Variants in THSD7B observed in about 807,000 individuals in gnomAD.
The protein encoded by THSD7B is thrombospondin type-1 domain-containing protein 7B.
Under a neutral mutation model 213.6 loss-of-function variants are expected in THSD7B, and 138 were observed. The observed-to-expected ratio is 0.65, with a 90% CI of 0.56 to 0.74. The LOEUF is 0.74. Ranked by LOEUF, THSD7B falls within the 30% of genes least tolerant of loss-of-function variation. The probability of loss-of-function intolerance (pLI) is 0.00; values close to 1 mark genes in which losing one functional copy is unlikely to be tolerated. For missense variants in THSD7B, 1,931 were observed against 1,991.5 expected, an observed-to-expected ratio of 0.97 and a Z score of 0.58; for synonymous variants, 742 against 687.0, an observed-to-expected ratio of 1.08 and a Z score of -1.25.
At chr2:136,843,287 T>C (rs548448762) in intron 1 of THSD7B, among the ~76,000 whole-genome samples, 2 of 152,298 alleles carry the variant, frequency 1.3e-5, no homozygotes, top group South Asian at 4.1e-4. Context: ...TTAAGTCTGT[T>C]CAAACATTAC....
In THSD7B at chr2:137,170,880, T is replaced by C. The variant is rs752504703; in HGVS notation, c.1665T>C (p.Asp555=). The C allele has an allele frequency of 6.2e-7, 1 of 1,613,550 alleles. No individual in the cohort carries two copies. Among genetic ancestry groups the C allele is most frequent in the Non-Finnish European group, 8.5e-7 (1 of 1,179,786 alleles). ...WLASEGICFP[D]HGKCGLGHRI... is the part of the protein sequence containing the mutation. ...CATCAGAAGGGATCTGTTTCCCTGA[T>C]CATGGAAAATGTGGCCTGGGACATC... The change falls in exon 7 of 28, where the codon GAT becomes GAC. Residue 555 remains aspartate, a synonymous_variant. Coordinates refer to ENST00000409968, the MANE Select transcript of THSD7B (RefSeq NM_001316349.2).
intron 1 of THSD7B, among the ~76,000 whole-genome samples, chr2:136,790,912 T>C (rs538732685): frequency 7.2e-5 from 11 of 151,958 alleles, no homozygotes; most frequent in African/African-American, 2.7e-4. Flanking sequence ...ATTCACTCAA[T>C]AGAGGGAAAG....
intron 2 of THSD7B, among the ~76,000 whole-genome samples, chr2:137,015,451 C>T (rs1448578026): frequency 2.0e-5 from 3 of 152,080 alleles, no homozygotes; most frequent in African/African-American, 2.4e-5. Context: ...TGCACTAGTA[C>T]CCCCATTGTC....
At chr2:137,413,318 G>A (rs891453365) in intron 14 of THSD7B, among the ~76,000 whole-genome samples, 1 of 152,124 alleles carries the variant, frequency 6.6e-6, no homozygotes, top group African/African-American at 2.4e-5. Flanking sequence ...TGAACAAAAC[G>A]TTTTTATTGA....
chr2:137,014,229 C>T (rs1443768982), intron 2 of THSD7B, among the ~76,000 whole-genome samples: 2 of 152,254 alleles, frequency 1.3e-5, no homozygotes, highest in South Asian at 2.1e-4. Flanking sequence ...GAAGTTAGGA[C>T]GTGGTCGAGG....
chr2:137,478,065 G>A (rs953895674), intron 15 of THSD7B, among the ~76,000 whole-genome samples: 1 of 151,966 alleles, frequency 6.6e-6, no homozygotes, highest in Non-Finnish European at 1.5e-5. Flanking sequence ...AATGAGCCAT[G>A]GTGAAGATCT....
At chr2:137,128,747 C>T (rs997284744) in intron 5 of THSD7B, among the ~76,000 whole-genome samples, 1 of 152,158 alleles carries the variant, frequency 6.6e-6, no homozygotes, top group African/African-American at 2.4e-5. Context: ...AAACATGTAC[C>T]TTCTCTACTA....
chr2:137,419,651 A>C (rs939171014), intron 14 of THSD7B, among the ~76,000 whole-genome samples: 5 of 151,966 alleles, frequency 3.3e-5, no homozygotes, highest in Admixed American at 2.6e-4. Context: ...AAAACCAATT[A>C]GGAAAGGGTA....
chr2:137,482,027 A>T (rs1688321029), intron 15 of THSD7B, among the ~76,000 whole-genome samples: 1 of 152,018 alleles, frequency 6.6e-6, no homozygotes, highest in South Asian at 2.1e-4. Flanking sequence ...AATACAAAAA[A>T]ATTAGCTGGG....
chr2:137,596,988 C>T (rs906028271), intron 17 of THSD7B, among the ~76,000 whole-genome samples: 13 of 151,964 alleles, frequency 8.6e-5, no homozygotes, highest in African/African-American at 2.9e-4. Context: ...TGATTAGTTT[C>T]GTAAATATTT....
chr2:136,995,051 A>G (rs1685858584), intron 2 of THSD7B, among the ~76,000 whole-genome samples: 1 of 152,202 alleles, frequency 6.6e-6, no homozygotes, highest in African/African-American at 2.4e-5. Flanking sequence ...AAGTGGAGCT[A>G]AATTTCAGAG....
intron 16 of THSD7B, among the ~76,000 whole-genome samples, chr2:137,571,297 A>G (rs1681350921): frequency 6.6e-6 from 1 of 152,130 alleles, no homozygotes; most frequent in South Asian, 2.1e-4. Flanking sequence ...TCATCACTTT[A>G]TGGCATTTAC....
At chr2:137,616,069 T>C (rs1429551645) in intron 17 of THSD7B, 106 bp from the exon 18 acceptor site, 1 of 1,139,058 alleles carries the variant, frequency 8.8e-7, no homozygotes, top group African/African-American at 1.6e-5. Context: ...CTCTAGATAA[T>C]CTATTCCCTA....
intron 12 of THSD7B, among the ~76,000 whole-genome samples, chr2:137,294,344 A>G (rs1683406271): frequency 6.6e-6 from 1 of 152,054 alleles, no homozygotes. Flanking sequence ...GCACTTTGGG[A>G]GGCCGAGGCA....
Position 137,588,459 on chromosome 2 carries a change from T to C in THSD7B, c.3423+15903T>C, listed in dbSNP as rs190884284. Among the ~76,000 whole-genome samples, 3 of 151,490 alleles carry C rather than the reference T, an allele frequency of 2.0e-5. No homozygotes were observed. The East Asian group carries it at 5.8e-4, about 29-fold the overall frequency. ...GCTATTTGATGTTTTAAAATACCTC[T>C]GGAGCTGGAATATTTTTCAGTGTTT... On this transcript the variant is annotated intron_variant, in intron 17 of 27. Coordinates refer to ENST00000409968, the MANE Select transcript of THSD7B (RefSeq NM_001316349.2).
intron 12 of THSD7B, among the ~76,000 whole-genome samples, chr2:137,350,094 A>T (rs1684974270): frequency 6.6e-6 from 1 of 151,836 alleles, no homozygotes; most frequent in Non-Finnish European, 1.5e-5. Context: ...GTACCAATGT[A>T]TTAGGGATGG....
chr2:136,991,744 A>C (rs144463066), intron 2 of THSD7B, among the ~76,000 whole-genome samples: 1 of 152,212 alleles, frequency 6.6e-6, no homozygotes, highest in African/African-American at 2.4e-5. Flanking sequence ...CTCATAGCCA[A>C]TTCTTTCATC....
intron 15 of THSD7B, among the ~76,000 whole-genome samples, chr2:137,555,375 T>C (rs1032140063): frequency 6.6e-6 from 1 of 152,200 alleles, no homozygotes; most frequent in Non-Finnish European, 1.5e-5. Flanking sequence ...CAGCAACATT[T>C]GCTGTTCAGC....
At chr2:137,329,875 T>C (rs192793965) in intron 12 of THSD7B, among the ~76,000 whole-genome samples, 2 of 152,280 alleles carry the variant, frequency 1.3e-5, no homozygotes, top group Non-Finnish European at 2.9e-5. Flanking sequence ...CAGAGACCTT[T>C]GTGGCAGCCC....
Sources: gnomAD v4.1 joint callset for allele counts (sites outside exome capture counted in the v4.1 genomes callset) on GRCh38, gnomAD v4.1.1 for gene constraint, MANE v1.5 for transcripts, NCBI Gene and HGNC (gene_info 2026-07-23, HGNC 2026-07-21) for gene names.